The following NRG3 variants were observed in gnomAD, a reference collection of about 807,000 sequenced individuals.
NRG3 encodes neuregulin 3, also known as pro-neuregulin-3, membrane-bound isoform.
In NRG3, 31 loss-of-function variants were observed where a neutral mutation model predicts 66.9. That is an observed-to-expected ratio of 0.46 (90% CI 0.35 to 0.63). The LOEUF (loss-of-function observed/expected upper bound fraction) is 0.63, where lower values mean the gene tolerates loss of function less well. Ranked by LOEUF, NRG3 falls within the 20% of genes least tolerant of loss-of-function variation. NRG3 has a pLI of 0.00. For missense variants in NRG3, 910 were observed against 878.9 expected (o/e 1.04, Z -0.45); for synonymous variants, 393 against 359.4 (o/e 1.09, Z -1.06).
intron 2 of NRG3, among the ~76,000 whole-genome samples, chr10:82,560,746 T>C (rs2044984945): frequency 6.6e-6 from 1 of 151,428 alleles, no homozygotes; most frequent in African/African-American, 2.4e-5. Flanking sequence ...TGTAAGTTTT[T>C]GTGAAATGTC....
intron 2 of NRG3, among the ~76,000 whole-genome samples, chr10:82,737,186 A>G (rs2644204): frequency 0.59 from 90,256 of 151,948 alleles, 27,170 homozygotes; most frequent in East Asian, 0.64. Context: ...AACATGTTGG[A>G]TATCTGGAAT....
chr10:82,824,793 T>C (rs1431725426), intron 3 of NRG3, among the ~76,000 whole-genome samples: 2 of 151,854 alleles, frequency 1.3e-5, no homozygotes, highest in African/African-American at 4.8e-5. Context: ...AATGGTTCAC[T>C]TCAGCCTTGA....
At chr10:82,695,324 GA>G (rs1217637808) in intron 2 of NRG3, among the ~76,000 whole-genome samples, 3 of 151,826 alleles carry the variant, frequency 2.0e-5, no homozygotes, top group African/African-American at 7.3e-5. Context: ...AAATAATGAA[GA>G]AAAAGGAAAA....
chr10:82,349,033 G>A (rs984904007), intron 1 of NRG3, among the ~76,000 whole-genome samples: 13 of 152,152 alleles, frequency 8.5e-5, no homozygotes, highest in Admixed American at 6.6e-5. Flanking sequence ...GTAGCTCAGA[G>A]TAATTTGATC....
intron 2 of NRG3, among the ~76,000 whole-genome samples, chr10:82,566,429 G>T (rs2045408150): frequency 6.6e-6 from 1 of 151,922 alleles, no homozygotes; most frequent in Admixed American, 6.6e-5. Flanking sequence ...GACCACCTGA[G>T]AAGTAAAGGA....
At chr10:82,744,570 C>T (rs920134145) in intron 3 of NRG3, among the ~76,000 whole-genome samples, 5 of 152,250 alleles carry the variant, frequency 3.3e-5, no homozygotes, top group African/African-American at 9.6e-5. Flanking sequence ...ATAAGAATTT[C>T]GGTGGGACAC....
intron 2 of NRG3, among the ~76,000 whole-genome samples, chr10:82,689,719 T>C (rs1174140486): frequency 6.6e-6 from 1 of 152,190 alleles, no homozygotes; most frequent in East Asian, 1.9e-4. Context: ...TTCTCAGTTC[T>C]AGTTACATTT....
chr10:82,615,492 G>A (rs2133551536), intron 2 of NRG3, among the ~76,000 whole-genome samples: 1 of 152,106 alleles, frequency 6.6e-6, no homozygotes, highest in Non-Finnish European at 1.5e-5. Context: ...TTGAGGTAAA[G>A]CCATTTCTAC....
chr10:82,815,254 A>G (rs1486187066), intron 3 of NRG3, among the ~76,000 whole-genome samples: 2 of 152,110 alleles, frequency 1.3e-5, no homozygotes, highest in Admixed American at 1.3e-4. Context: ...TTTCTGTTCC[A>G]GTTAAACTCA....
chr10:82,306,287 G>A (rs927613362), intron 1 of NRG3, among the ~76,000 whole-genome samples: 2 of 152,106 alleles, frequency 1.3e-5, no homozygotes, highest in Non-Finnish European at 2.9e-5. Context: ...GGTAATATTG[G>A]TGTATAATAG....
chr10:82,241,344 A>G (rs1440308666), intron 1 of NRG3, among the ~76,000 whole-genome samples: 2 of 152,114 alleles, frequency 1.3e-5, no homozygotes, highest in African/African-American at 2.4e-5. Context: ...TTACAATTCT[A>G]AACTTTTGTC....
At chr10:82,443,633 A>T (rs922022118) in intron 2 of NRG3, among the ~76,000 whole-genome samples, 2 of 152,214 alleles carry the variant, frequency 1.3e-5, no homozygotes, top group African/African-American at 4.8e-5. Context: ...CCTCTTCTGT[A>T]CAGATCATCC....
intron 1 of NRG3, among the ~76,000 whole-genome samples, chr10:82,336,529 CTT>C (rs11345974): frequency 0.025 from 3,472 of 137,764 alleles, 135 homozygotes; most frequent in African/African-American, 0.085. Context: ...CTTTTCTTTT[CTT>C]TTTTTTTTTT....
chr10:82,651,385 A>T (rs989645815), intron 2 of NRG3, among the ~76,000 whole-genome samples: 1 of 152,232 alleles, frequency 6.6e-6, no homozygotes, highest in Non-Finnish European at 1.5e-5. Flanking sequence ...AATAATGGGG[A>T]CTTCTAACAA....
chr10:82,292,052 A>T (rs2079777898), intron 1 of NRG3, among the ~76,000 whole-genome samples: 1 of 152,204 alleles, frequency 6.6e-6, no homozygotes, highest in Admixed American at 6.5e-5. Context: ...AGACTGGGGG[A>T]AAATATTTGC....
intron 2 of NRG3, among the ~76,000 whole-genome samples, chr10:82,572,627 T>C (rs1490807817): frequency 6.6e-6 from 1 of 151,598 alleles, no homozygotes; most frequent in Non-Finnish European, 1.5e-5. Flanking sequence ...TTTGTTTAGG[T>C]TTCTTCTTTT....
chr10:82,977,537 A>T (rs533119002), intron 7 of NRG3, among the ~76,000 whole-genome samples: 17 of 140,510 alleles, frequency 1.2e-4, no homozygotes, highest in African/African-American at 3.2e-4. Flanking sequence ...TGAACCTGGG[A>T]GGTAGAGGTT....
chr10:82,562,929 T>C lies in NRG3; in HGVS notation c.954-175648T>C, dbSNP rs796182936. ...TTCCAGTCACGTTTTAGTGGCCAGA[T>C]ATTAGTCACAAGGTCAAGTATAAAT... On this transcript the variant is annotated intron_variant, in intron 2 of 8. Transcript: ENST00000372141. Among the ~76,000 whole-genome samples, 140 of 152,248 alleles carry C rather than the reference T, an allele frequency of 9.2e-4. 1 individual carries two copies. The highest frequency in any genetic ancestry group is 3.3e-3 in the African/African-American group (138 of 41,540).
intron 4 of NRG3, among the ~76,000 whole-genome samples, chr10:82,899,563 C>T (rs1481913140): frequency 2.0e-5 from 3 of 152,148 alleles, no homozygotes; most frequent in African/African-American, 7.2e-5. Context: ...GAATCAGTAG[C>T]TTTGTCAGCA....
Sources: gnomAD v4.1 joint callset for allele counts (sites outside exome capture counted in the v4.1 genomes callset) on GRCh38, gnomAD v4.1.1 for gene constraint, MANE v1.5 for transcripts, NCBI Gene and HGNC (gene_info 2026-07-23, HGNC 2026-07-21) for gene names.